Variants in FAM184A observed in about 807,000 individuals in gnomAD.
FAM184A encodes the protein family with sequence similarity 184 member A.
Under a neutral mutation model 143.8 loss-of-function variants are expected in FAM184A, and 99 were observed. The ratio of observed to expected loss-of-function variants is 0.69; its 90% CI spans 0.58 to 0.81. The LOEUF (loss-of-function observed/expected upper bound fraction) is 0.81. Ranked by LOEUF, FAM184A falls within the 40% of genes least tolerant of loss-of-function variation. FAM184A has a pLI of 0.00. For synonymous variants in FAM184A, 427 were observed against 446.4 expected, an observed-to-expected ratio of 0.96 and a Z score of 0.55; for missense variants, 1,217 against 1,310.5, an observed-to-expected ratio of 0.93 and a Z score of 1.10.
intron 16 of FAM184A, 122 bp from the exon 17 acceptor site, chr6:118,962,085 G>A: frequency 2.2e-6 from 2 of 892,868 alleles, no homozygotes; most frequent in Admixed American, 2.1e-5. Context: ...AAATTAAAAT[G>A]TTAATTAACC....
rs569596126 is a variant in FAM184A, at chr6:119,067,707, T to C, written c.159+10434A>G. Among the ~76,000 whole-genome samples, 5 of 152,318 alleles carry C rather than the reference T, an allele frequency of 3.3e-5. No homozygotes were observed. The East Asian group carries it at 7.7e-4, about 24-fold the overall frequency. On this transcript the variant is annotated intron_variant, in intron 1 of 17. Transcript: ENST00000338891. Reference sequence around the variant, plus strand: ...CTAGCTCTGTATTCTCCCTAGACCATGCAATACAACGACCACGAATAATGA... The same window carrying C: ...CTAGCTCTGTATTCTCCCTAGACCACGCAATACAACGACCACGAATAATGA...
chr6:119,141,798 G>A (rs2114891812), intron 1 of FAM184A, among the ~76,000 whole-genome samples: 1 of 152,146 alleles, frequency 6.6e-6, no homozygotes, highest in African/African-American at 2.4e-5. Flanking sequence ...TAAAAAAAAA[G>A]TACATCTTGG....
chr6:119,114,318 G>A (rs1480194950), intron 1 of FAM184A, among the ~76,000 whole-genome samples: 1 of 152,108 alleles, frequency 6.6e-6, no homozygotes, highest in African/African-American at 2.4e-5. Context: ...TGTTTTATTT[G>A]GCAACCCTCT....
At chr6:119,047,871 A>C (rs1786599694) in intron 1 of FAM184A, among the ~76,000 whole-genome samples, 1 of 152,194 alleles carries the variant, frequency 6.6e-6, no homozygotes, top group Non-Finnish European at 1.5e-5. Flanking sequence ...TCCCCAACAC[A>C]TTCTATAAGG....
chr6:119,051,297 T>C (rs1364093995), intron 1 of FAM184A, among the ~76,000 whole-genome samples: 1 of 152,190 alleles, frequency 6.6e-6, no homozygotes, highest in Admixed American at 6.5e-5. Flanking sequence ...GACAAAACAC[T>C]ACGTGTTCTC....
Position 118,980,317 on chromosome 6 carries a change from G to T in FAM184A, c.2122C>A (p.Leu708Ile). 1 of 1,613,940 alleles carries T rather than the reference G, an allele frequency of 6.2e-7. No homozygotes were observed. The highest frequency in any genetic ancestry group is 1.1e-5 in the South Asian group (1 of 91,056). ...SLLKQNLEIQ[L>I]SQSQTSLQQL... ...TGCAAAGAAGTCTGAGACTGGGAAA[G>T]CTGTATCTCCAGATTCTGTTTCAGC... The change falls in exon 10 of 18, where the codon CTT becomes ATT. Residue 708 changes from leucine (L) to isoleucine (I), a missense_variant. Coordinates refer to ENST00000338891, the MANE Select transcript of FAM184A (RefSeq NM_024581.6).
intron 9 of FAM184A, among the ~76,000 whole-genome samples, chr6:118,992,393 C>CT (rs1784407254): frequency 6.6e-6 from 1 of 152,158 alleles, no homozygotes; most frequent in South Asian, 2.1e-4. Flanking sequence ...AAAGCCTAAC[C>CT]TCCAGTGTGA....
chr6:119,032,178 A>C (rs1269891883), intron 1 of FAM184A, among the ~76,000 whole-genome samples: 2 of 152,090 alleles, frequency 1.3e-5, no homozygotes, highest in Non-Finnish European at 2.9e-5. Flanking sequence ...AGGCTGAGGC[A>C]GAAGAATTGC....
intron 9 of FAM184A, among the ~76,000 whole-genome samples, chr6:119,001,628 A>C (rs1384461189): frequency 6.6e-6 from 1 of 152,252 alleles, no homozygotes; most frequent in Non-Finnish European, 1.5e-5. Context: ...AAGAGATTAA[A>C]GGAATAACAA....
chr6:119,023,214 G>GT lies in FAM184A; in HGVS notation c.1015-135dup. 4 of 865,326 alleles carry GT rather than the reference G, an allele frequency of 4.6e-6. No homozygotes were observed. In the South Asian group the frequency reaches 7.5e-5, roughly 16 times the overall value. The allele number at this position is 865,326 out of a possible 1,614,324, so 53.6% of individuals were successfully genotyped here. Reference sequence around the variant, plus strand: ...TATATACCAATTTTTAAATCTGTAAGTATTAGTGATTTATAACTTGATGTT... The same window carrying GT: ...TATATACCAATTTTTAAATCTGTAAGTTATTAGTGATTTATAACTTGATGTT... On this transcript the variant is annotated intron_variant, in intron 2 of 17. Coordinates refer to ENST00000338891, the MANE Select transcript of FAM184A (RefSeq NM_024581.6).
chr6:119,112,311 A>G (rs1788954197), intron 1 of FAM184A, among the ~76,000 whole-genome samples: 1 of 151,956 alleles, frequency 6.6e-6, no homozygotes, highest in African/African-American at 2.4e-5. Flanking sequence ...TATTTTTAGT[A>G]GAGACGGGGT....
chr6:119,025,016 A>G (rs1317957132), intron 1 of FAM184A, among the ~76,000 whole-genome samples: 1 of 152,238 alleles, frequency 6.6e-6, no homozygotes, highest in African/African-American at 2.4e-5. Flanking sequence ...CACAGTCTTA[A>G]GATTTGTATT....
chr6:119,067,304 T>A lies in FAM184A; in HGVS notation c.159+10837A>T, dbSNP rs58931041. On this transcript the variant is annotated intron_variant, in intron 1 of 17. Coordinates refer to ENST00000338891, the MANE Select transcript of FAM184A (RefSeq NM_024581.6). ...ATAATGAGAGTCAAAGTCACACTCA[T>A]GTGAGGGTGTTTAGGGTGGTAATAA... Among the ~76,000 whole-genome samples the A allele has an allele frequency of 2.6e-3, 392 of 152,280 alleles. 2 individuals are homozygous for A. Among genetic ancestry groups the A allele is most frequent in the African/African-American group, 9.0e-3 (373 of 41,546 alleles).
At chr6:118,970,008 A>ATATATATATATATATATATATATTTTTTT in intron 14 of FAM184A, among the ~76,000 whole-genome samples, 7 of 19,032 alleles carry the variant, frequency 3.7e-4, no homozygotes, top group East Asian at 3.0e-3. Context: ...ATATATATAT[A>ATATATATATATATATATATATATTTTTTT]TTTTTTTTTT....
At chr6:119,136,006 C>T (rs593386) in intron 1 of FAM184A, among the ~76,000 whole-genome samples, 5,416 of 150,522 alleles carry the variant, frequency 0.036, 316 homozygotes, top group African/African-American at 0.12. Flanking sequence ...AGGCCGGGCG[C>T]GGTGGCTCAC....
chr6:119,119,653 T>C (rs1415202491), intron 1 of FAM184A, among the ~76,000 whole-genome samples: 1 of 151,920 alleles, frequency 6.6e-6, no homozygotes, highest in Non-Finnish European at 1.5e-5. Context: ...ATGTCATCAG[T>C]TTTTGCCTTT....
chr6:118,980,043 G>A (rs1367807181), intron 10 of FAM184A, 95 bp downstream of exon 10: 2 of 952,600 alleles, frequency 2.1e-6, no homozygotes, highest in East Asian at 2.6e-5. Flanking sequence ...GTGAGACCCT[G>A]TCTCAAAAAA....
intron 1 of FAM184A, among the ~76,000 whole-genome samples, chr6:119,127,277 A>G (rs185825279): frequency 4.0e-4 from 61 of 152,228 alleles, no homozygotes; most frequent in African/African-American, 1.4e-3. Flanking sequence ...AAATCCCTTC[A>G]CAGTAGCACC....
chr6:119,078,226 G>A lies in FAM184A; in HGVS notation c.74C>T (p.Ala25Val). Residue 25 changes from alanine to valine, a missense_variant, in exon 1 of 18, where the codon GCC (alanine) becomes GTC (valine). Physicochemically the swap from Ala to Val is moderately conservative, Grantham distance 64 (BLOSUM62 0). Coordinates refer to ENST00000338891, the MANE Select transcript of FAM184A (RefSeq NM_024581.6). The surrounding 1 kb of genome is among the most constrained non-coding windows in gnomAD (Gnocchi z 5.5). ...GSAAKFAPSP[A>V]TAQLAGHSMD... The stretch of plus-strand genomic sequence containing the variant: ...GCTGTGCCCAGCCAGCTGTGCGGTG[G>A]CCGGCGAGGGCGCGAATTTGGCCGC... The A allele has an allele frequency of 1.3e-6, 2 of 1,542,114 alleles. No individual in the cohort carries two copies. The highest frequency in any genetic ancestry group is 1.7e-6 in the Non-Finnish European group (2 of 1,147,624).
Sources: allele counts gnomAD v4.1 joint callset (sites outside exome capture counted in the v4.1 genomes callset), GRCh38; gene constraint gnomAD v4.1.1; non-coding constraint Gnocchi (gnomAD v3.1); transcripts MANE v1.5; gene names NCBI Gene and HGNC (gene_info 2026-07-23, HGNC 2026-07-21).